Variants in HMCN1 observed in about 807,000 individuals in gnomAD.
HMCN1 encodes the protein hemicentin 1, also known as hemicentin-1.
Under a neutral mutation model 625.9 loss-of-function variants are expected in HMCN1, and 321 were observed. The ratio of observed to expected loss-of-function variants is 0.51; its 90% CI spans 0.47 to 0.56. The LOEUF is 0.56. HMCN1 is among the 20% of genes least tolerant of loss of function. HMCN1 has a pLI of 0.00. For synonymous variants in HMCN1, 2,425 were observed against 2,417.6 expected, an observed-to-expected ratio of 1.00 and a Z score of -0.09; for missense variants, 6,588 against 6,887.3, an observed-to-expected ratio of 0.96 and a Z score of 1.54.
chr1:185,779,408 T>C (rs551980092), intron 1 of HMCN1, among the ~76,000 whole-genome samples: 2 of 152,370 alleles, frequency 1.3e-5, no homozygotes, highest in South Asian at 4.1e-4. Context: ...GTTTTAGACA[T>C]GAAGTCCTTG....
At chr1:186,069,837 C>A in intron 51 of HMCN1, 61 bp downstream of exon 51, 1 of 1,066,014 alleles carries the variant, frequency 9.4e-7, no homozygotes, top group Non-Finnish European at 1.4e-6. Flanking sequence ...TTTTTCAATC[C>A]TGTTTTTCAT....
At chr1:185,783,660 A>C (rs894143289) in intron 1 of HMCN1, among the ~76,000 whole-genome samples, 13 of 152,184 alleles carry the variant, frequency 8.5e-5, no homozygotes, top group African/African-American at 2.7e-4. Flanking sequence ...CAAAACAGCA[A>C]ATATTGCTGA....
chr1:185,744,137 C>G (rs567391194), intron 1 of HMCN1, among the ~76,000 whole-genome samples: 1 of 151,302 alleles, frequency 6.6e-6, no homozygotes, highest in African/African-American at 2.4e-5. Flanking sequence ...TACAGGCGCC[C>G]GCCACCACAC....
chr1:185,918,116 G>C (rs1025936852), intron 6 of HMCN1, among the ~76,000 whole-genome samples: 1 of 152,176 alleles, frequency 6.6e-6, no homozygotes, highest in African/African-American at 2.4e-5. Flanking sequence ...ACAATCTCAA[G>C]TCAAAGTCCC....
intron 1 of HMCN1, among the ~76,000 whole-genome samples, chr1:185,835,706 A>T (rs1661125009): frequency 6.6e-6 from 1 of 152,084 alleles, no homozygotes; most frequent in African/African-American, 2.4e-5. Flanking sequence ...TATTTTCAGT[A>T]TTTACAATTA....
intron 40 of HMCN1, among the ~76,000 whole-genome samples, chr1:186,043,844 T>C (rs1020961813): frequency 6.6e-6 from 1 of 151,810 alleles, no homozygotes; most frequent in Admixed American, 6.6e-5. Flanking sequence ...CCGAGGTGGG[T>C]GGATCGCCTG....
intron 5 of HMCN1, 67 bp downstream of exon 5, chr1:185,909,575 C>T (rs2102451244): frequency 1.4e-6 from 2 of 1,380,376 alleles, no homozygotes; most frequent in Non-Finnish European, 2.0e-6. Flanking sequence ...TTTTCACACA[C>T]TTGTTTTTGT....
chr1:185,916,594 T>A (rs896316471), intron 6 of HMCN1, among the ~76,000 whole-genome samples: 1 of 152,196 alleles, frequency 6.6e-6, no homozygotes, highest in Non-Finnish European at 1.5e-5. Context: ...ATACACTGAA[T>A]TTTTCTTTAG....
rs1657121983 is a variant in HMCN1 at position 186,053,725 on chromosome 1, T to C, written c.6701-100T>C. The C allele has an allele frequency of 1.4e-5, 17 of 1,216,348 alleles. No individual in the cohort carries two copies. In the South Asian group the frequency reaches 2.1e-4, roughly 15 times the overall value. The allele number at this position is 1,216,348 out of a possible 1,614,324, so 75.3% of individuals were successfully genotyped here. On this transcript the variant is annotated intron_variant, in intron 43 of 106. Coordinates refer to ENST00000271588, the MANE Select transcript of HMCN1 (RefSeq NM_031935.3). Reference sequence around the variant, plus strand: ...GATTATTTTACAGTGTCATTTGCCTTTTATATACTTGAACTGAATAAACAA... The same window carrying C: ...GATTATTTTACAGTGTCATTTGCCTCTTATATACTTGAACTGAATAAACAA...
rs746910806 is a variant in HMCN1, at chr1:186,081,334, T to C, written c.8727T>C (p.Asp2909=). Residue 2909 remains aspartate, a synonymous_variant, in exon 56 of 107, where the codon GAT becomes GAC. Coordinates refer to ENST00000271588, the MANE Select transcript of HMCN1 (RefSeq NM_031935.3). The part of the protein sequence containing the change: ...SPAPRNSWQK[D]GQPLLEDDHH... ...CACCAAGGAATTCCTGGCAGAAAGA[T>C]GGACAGCCCTTGCTAGAAGATGACC... The C allele has an allele frequency of 2.5e-6, 4 of 1,613,834 alleles. No homozygotes were observed. Among genetic ancestry groups the C allele is most frequent in the Non-Finnish European group, 3.4e-6 (4 of 1,179,804 alleles).
intron 6 of HMCN1, among the ~76,000 whole-genome samples, chr1:185,919,006 C>T (rs1269804707): frequency 6.6e-6 from 1 of 151,010 alleles, no homozygotes; most frequent in Non-Finnish European, 1.5e-5. Context: ...CAGGTTGAAT[C>T]TAGATGATAA....
In HMCN1 at chr1:185,866,551, C is replaced by CCCA. The variant is rs1168177472; in HGVS notation, c.621+696_621+698dup. On this transcript the variant is annotated intron_variant, in intron 4 of 106. Transcript: ENST00000271588. Reference sequence around the variant, plus strand: ...TCCCGAGTAGCTGGGACTACAGGCGCCCACCACCACGCCCGGCTAATTTTT... The same window carrying CCCA: ...TCCCGAGTAGCTGGGACTACAGGCGCCCACCACCACCACGCCCGGCTAATTTTT... Among the ~76,000 whole-genome samples, 8 of 151,670 alleles carry CCCA rather than the reference C, an allele frequency of 5.3e-5. No homozygotes were observed. In the East Asian group the frequency reaches 1.6e-3, roughly 29 times the overall value.
intron 35 of HMCN1, among the ~76,000 whole-genome samples, chr1:186,021,696 G>A (rs74134288): frequency 0.025 from 3,756 of 152,116 alleles, 154 homozygotes; most frequent in African/African-American, 0.086. Context: ...AGATCATTTG[G>A]GGTCAGAATG....
At chr1:185,736,487 T>C (rs1048494926) in intron 1 of HMCN1, among the ~76,000 whole-genome samples, 2 of 152,192 alleles carry the variant, frequency 1.3e-5, no homozygotes, top group Non-Finnish European at 2.9e-5. Flanking sequence ...CTTGAGTATG[T>C]TTCTTCTAGA....
At chr1:186,015,571 T>C in intron 31 of HMCN1, 134 bp downstream of exon 31, 1 of 901,094 alleles carries the variant, frequency 1.1e-6, no homozygotes, top group Non-Finnish European at 1.7e-6. Context: ...TTGGAAGAAT[T>C]TGTTCCATGA....
intron 52 of HMCN1, 53 bp downstream of exon 52, chr1:186,070,810 C>T: frequency 6.5e-7 from 1 of 1,546,520 alleles, no homozygotes; most frequent in Non-Finnish European, 8.9e-7. Flanking sequence ...CTAAAATGGT[C>T]AATTGAAAAG....
chr1:186,125,698 A>C lies in HMCN1; in HGVS notation c.12594A>C (p.Pro4198=), dbSNP rs773826235. Residue 4198 remains proline (P), a synonymous_variant, in exon 82 of 107, where the codon CCA becomes CCC. Transcript: ENST00000271588. ...LPCVADGIPT[P]AINWKKDNVL... ...GCGTAGCTGATGGAATCCCCACACC[A>C]GCAATTAACTGGAAAAAAGACAATG... 9 of 1,613,130 alleles carry C rather than the reference A, an allele frequency of 5.6e-6. No homozygotes were observed. In the African/African-American group the frequency reaches 1.2e-4, roughly 22 times the overall value.
At chr1:186,128,341 C>T (rs374517493) in intron 83 of HMCN1, 50 bp downstream of exon 83, 1 of 1,399,632 alleles carries the variant, frequency 7.1e-7, no homozygotes, top group Non-Finnish European at 1.0e-6. Flanking sequence ...ATGTAGAACT[C>T]TAGACGAAGC....
At chr1:185,842,047 G>T (rs963679605) in intron 1 of HMCN1, among the ~76,000 whole-genome samples, 5 of 152,024 alleles carry the variant, frequency 3.3e-5, no homozygotes, top group African/African-American at 1.2e-4. Context: ...AATCTCCCTT[G>T]GTTCTTTCTG....
Sources: allele counts gnomAD v4.1 joint callset (sites outside exome capture counted in the v4.1 genomes callset), GRCh38; gene constraint gnomAD v4.1.1; transcripts MANE v1.5; gene names NCBI Gene and HGNC (gene_info 2026-07-23, HGNC 2026-07-21).